The following MYH9 variants were observed in gnomAD, a reference collection of about 807,000 sequenced individuals.
The protein encoded by MYH9 is myosin heavy chain 9, also known as myosin-9.
MYH9 carries 29 observed loss-of-function variants against 241.9 expected under a neutral mutation model. The ratio of observed to expected loss-of-function variants is 0.12; its 90% CI spans 0.09 to 0.16. The LOEUF is 0.16. MYH9 is among the 10% of genes least tolerant of loss of function. The pLI, the probability that MYH9 is intolerant of heterozygous loss-of-function variation, is 1.00. For synonymous variants in MYH9, 1,047 were observed against 1,062.6 expected, an observed-to-expected ratio of 0.99 and a Z score of 0.29; for missense variants, 1,803 against 2,595.5, an observed-to-expected ratio of 0.69 and a Z score of 6.63.
intron 1 of MYH9, among the ~76,000 whole-genome samples, chr22:36,370,843 C>G (rs2018079778): frequency 6.6e-6 from 1 of 151,990 alleles, no homozygotes; most frequent in African/African-American, 2.4e-5. Flanking sequence ...CGCTGGTGAA[C>G]CAGGGGTGGG....
chr22:36,325,150 G>T (rs954775131), intron 5 of MYH9: 2 of 755,142 alleles, frequency 2.6e-6, no homozygotes, highest in Non-Finnish European at 4.9e-6. Flanking sequence ...ATCGGGGGTA[G>T]GGAGGGAGAG....
At chr22:36,371,782 G>T (rs560833327) in intron 1 of MYH9, among the ~76,000 whole-genome samples, 1 of 151,972 alleles carries the variant, frequency 6.6e-6, no homozygotes, top group African/African-American at 2.4e-5. Flanking sequence ...TGATCCGCCC[G>T]CCTCGGCCTC....
Position 36,288,176 on chromosome 22 carries a change from C to T in MYH9, c.4932+76G>A, listed in dbSNP as rs1267183295. ...ACCCTGCCAGGTTCCCGCCCTGGGC[C>T]GAGCCCTGGCACCTTCATATGTAGT... is the stretch of plus-strand genomic sequence containing the variant. On this transcript the variant is annotated intron_variant, in intron 34 of 40. Transcript: ENST00000216181. This position sits in a 1 kb window ranked among gnomAD's most constrained non-coding sequence, Gnocchi z 4.8. 5.7e-6 allele frequency: 9 copies of T among 1,582,430 alleles called. No individual in the cohort carries two copies. Among genetic ancestry groups the T allele is most frequent in the South Asian group, 2.2e-5 (2 of 90,212 alleles).
At chr22:36,282,809 G>A (rs1355099001) in intron 40 of MYH9, 24 bp from the exon 41 acceptor site, 4 of 1,593,998 alleles carry the variant, frequency 2.5e-6, no homozygotes, top group Non-Finnish European at 3.4e-6. Flanking sequence ...TAGAAGCAGA[G>A]GGTCAGCGGG....
chr22:36,292,320 C>G, intron 30 of MYH9, 86 bp from the exon 31 acceptor site: 2 of 1,575,210 alleles, frequency 1.3e-6, no homozygotes, highest in South Asian at 1.1e-5. Context: ...GGGAGCCTGC[C>G]TGCCACACCG....
At chr22:36,379,685 A>G (rs1003318765) in intron 1 of MYH9, among the ~76,000 whole-genome samples, 4 of 152,184 alleles carry the variant, frequency 2.6e-5, no homozygotes, top group African/African-American at 9.7e-5. Context: ...TAACCCCACT[A>G]CAGGCCTTAG....
intron 5 of MYH9, among the ~76,000 whole-genome samples, chr22:36,323,483 C>A (rs980431450): frequency 6.6e-6 from 1 of 152,204 alleles, no homozygotes; most frequent in East Asian, 1.9e-4. Context: ...AAGGGCCAGG[C>A]AAGCCTTTGT....
chr22:36,291,935 T>C, intron 31 of MYH9, 51 bp downstream of exon 31: 3 of 1,612,890 alleles, frequency 1.9e-6, no homozygotes, highest in Non-Finnish European at 2.5e-6. Context: ...TGCTTTGGAC[T>C]CAGTGCTTGA....
rs376734495 is a variant in MYH9 at position 36,306,075 on chromosome 22, C to T, written c.2038-24G>A. 3.1e-6 allele frequency: 5 copies of T among 1,611,924 alleles called. No homozygotes were observed. Among genetic ancestry groups the T allele is most frequent in the South Asian group, 1.1e-5 (1 of 91,068 alleles). On this transcript the variant is annotated intron_variant, in intron 16 of 40. Coordinates refer to ENST00000216181, the MANE Select transcript of MYH9 (RefSeq NM_002473.6). This position sits in a 1 kb window ranked among gnomAD's most constrained non-coding sequence, Gnocchi z 4.1. ...GCCTGGAGAAGAAAACACATGCATG[C>T]GGTCTCACTTCCGTGCCTAGAACAG...
At chr22:36,387,488 G>T (rs2146435595) in intron 1 of MYH9, among the ~76,000 whole-genome samples, 1 of 152,068 alleles carries the variant, frequency 6.6e-6, no homozygotes, top group South Asian at 2.1e-4. Flanking sequence ...AGCGGCTGGG[G>T]GAGGTCGGCT....
At chr22:36,283,992 C>T (rs1225056351) in intron 40 of MYH9, 101 bp downstream of exon 40, 24 of 1,428,056 alleles carry the variant, frequency 1.7e-5, no homozygotes, top group Non-Finnish European at 2.2e-5. Context: ...GCAGTCCTTT[C>T]TTGGTGACAT....
rs2017409042 is a variant in MYH9, at chr22:36,330,780, G to C, written c.491-3292C>G. The stretch of plus-strand genomic sequence containing the variant: ...CTTATTTGGCCTGTAAGGACTGAAG[G>C]CTTATTTGAAAACGCCCTTCCTTCC... On this transcript the variant is annotated intron_variant, in intron 3 of 40. Coordinates refer to ENST00000216181, the MANE Select transcript of MYH9 (RefSeq NM_002473.6). The surrounding 1 kb of genome is among the most constrained non-coding windows in gnomAD (Gnocchi z 4.5). 6.6e-6 allele frequency among the ~76,000 whole-genome samples: 1 copy of C among 151,968 alleles called. No homozygotes were observed. Among genetic ancestry groups the C allele is most frequent in the African/African-American group, 2.4e-5 (1 of 41,364 alleles).
rs139020679 is a variant in MYH9 at position 36,308,262 on chromosome 22, G to A, written c.1843+1020C>T. ...TACAAATTTTTAAACAATTTTTGCTGTTTTAAGATTTTTTTTTTTTTTTGA... is the reference window on the plus strand; with the variant it reads ...TACAAATTTTTAAACAATTTTTGCTATTTTAAGATTTTTTTTTTTTTTTGA... On this transcript the variant is annotated intron_variant, in intron 15 of 40. Coordinates refer to ENST00000216181, the MANE Select transcript of MYH9 (RefSeq NM_002473.6). 4.1e-4 allele frequency among the ~76,000 whole-genome samples: 62 copies of A among 150,162 alleles called. No individual in the cohort carries two copies. The East Asian group carries it at 0.011, about 27-fold the overall frequency.
chr22:36,360,900 G>A (rs2017926507), intron 1 of MYH9, among the ~76,000 whole-genome samples: 1 of 152,156 alleles, frequency 6.6e-6, no homozygotes, highest in Admixed American at 6.5e-5. Flanking sequence ...CAATCCTGCA[G>A]GCACCACCCA....
At chr22:36,286,347 C>T (rs2016580293) in intron 35 of MYH9, among the ~76,000 whole-genome samples, 1 of 152,120 alleles carries the variant, frequency 6.6e-6, no homozygotes, top group South Asian at 2.1e-4. Context: ...GCAGCCGGCA[C>T]ATCACGCTGC....
chr22:36,292,201 C>T lies in MYH9; in HGVS notation c.4129G>A (p.Val1377Met). The T allele has an allele frequency of 6.2e-7, 1 of 1,614,102 alleles. No individual in the cohort carries two copies. Reference protein sequence around the residue: ...ADMKKKMEDSVGCLETAEEVK... With the variant: ...ADMKKKMEDSMGCLETAEEVK... The stretch of plus-strand genomic sequence containing the variant: ...TCCTCAGCAGTTTCCAGGCACCCCA[C>T]ACTGTCCTCCATCTTCTTTTTCATG... The change falls in exon 31 of 41, where the codon GTG becomes ATG. Residue 1377 changes from valine (V) to methionine (M), a missense_variant. Around this residue, in one of 11 missense-constraint regions of MYH9, gnomAD observed 876 missense variants for 1,077.8 expected, o/e 0.81. Coordinates refer to ENST00000216181, the MANE Select transcript of MYH9 (RefSeq NM_002473.6).
rs1271830093 is a variant in MYH9, at chr22:36,285,271, T to C, written c.5333A>G (p.Asn1778Ser). ...LERSHAQKNE[N>S]ARQQLERQNK... is the part of the protein sequence containing the mutation. ...CTGGCGTTCCAGCTGCTGCCGAGCA[T>C]TCTCGTTCTTCTGGGCGTGGCTGCG... The change falls in exon 38 of 41, where the codon AAT (asparagine) becomes AGT (serine). Residue 1778 changes from asparagine (N) to serine (S), a missense_variant. Physicochemically the swap from Asn to Ser is conservative, Grantham distance 46. Coordinates refer to ENST00000216181, the MANE Select transcript of MYH9 (RefSeq NM_002473.6). The surrounding 1 kb of genome is among the most constrained non-coding windows in gnomAD (Gnocchi z 7.0). 2 of 1,613,852 alleles carry C rather than the reference T, an allele frequency of 1.2e-6. No individual in the cohort carries two copies. The highest frequency in any genetic ancestry group is 2.7e-5 in the African/African-American group (2 of 74,938).
Position 36,289,440 on chromosome 22 carries a change from T to G in MYH9, c.4345-143A>C, listed in dbSNP as rs866147645. ...CCTAGGAAGCACAGGCCCAGGGCTGTGCCCAGGACAATACACACAGTCCCG... is the reference window on the plus strand; with the variant it reads ...CCTAGGAAGCACAGGCCCAGGGCTGGGCCCAGGACAATACACACAGTCCCG... On this transcript the variant is annotated intron_variant, in intron 31 of 40. Transcript: ENST00000216181. The G allele has an allele frequency of 6.9e-5, 50 of 721,436 alleles. No individual in the cohort carries two copies. In the Middle Eastern group the frequency reaches 1.2e-3, roughly 17 times the overall value. The allele number at this position is 721,436 out of a possible 1,614,324, so 44.7% of individuals were successfully genotyped here. A position where few individuals can be genotyped will look rare whatever the true frequency, so the allele number is the denominator to read the frequency against.
At chr22:36,302,264 C>G in intron 20 of MYH9, 1 of 344,268 alleles carries the variant, frequency 2.9e-6, no homozygotes, top group South Asian at 2.7e-5. Flanking sequence ...TACACAAAAG[C>G]AGCCCGGACA....
Sources: allele counts gnomAD v4.1 joint callset (sites outside exome capture counted in the v4.1 genomes callset), GRCh38; gene constraint gnomAD v4.1.1; regional missense constraint gnomAD v4.1.1; non-coding constraint Gnocchi (gnomAD v3.1); transcripts MANE v1.5; gene names NCBI Gene and HGNC (gene_info 2026-07-23, HGNC 2026-07-21).